The following ZFYVE9 variants were observed in gnomAD, a reference collection of about 807,000 sequenced individuals.
The protein encoded by ZFYVE9 is zinc finger FYVE domain-containing protein 9.
Under a neutral mutation model 126.7 loss-of-function variants are expected in ZFYVE9, and 43 were observed. The observed-to-expected ratio is 0.34, with a 90% CI of 0.27 to 0.44. The LOEUF (loss-of-function observed/expected upper bound fraction) is 0.44, where lower values mean the gene tolerates loss of function less well. Ranked by LOEUF, ZFYVE9 falls within the 20% of genes least tolerant of loss-of-function variation. The pLI is 1.00. For synonymous variants in ZFYVE9, 521 were observed against 597.4 expected (o/e 0.87, Z 1.87); for missense variants, 1,476 against 1,697.0 (o/e 0.87, Z 2.29).
At chr1:52,260,759 A>G (rs999470661) in intron 4 of ZFYVE9, among the ~76,000 whole-genome samples, 11 of 152,078 alleles carry the variant, frequency 7.2e-5, no homozygotes, top group African/African-American at 1.7e-4. Flanking sequence ...GGAGGTTGCA[A>G]TGAGCTGAGA....
At chr1:52,301,579 C>T (rs1444419444) in intron 12 of ZFYVE9, among the ~76,000 whole-genome samples, 1 of 152,196 alleles carries the variant, frequency 6.6e-6, no homozygotes, top group South Asian at 2.1e-4. Context: ...ATTGGGATTA[C>T]ATGCATGAGC....
intron 3 of ZFYVE9, among the ~76,000 whole-genome samples, chr1:52,233,599 C>G (rs1323064607): frequency 6.6e-6 from 1 of 152,172 alleles, no homozygotes; most frequent in Non-Finnish European, 1.5e-5. Flanking sequence ...CTGAACTACC[C>G]TATACAATGA....
At chr1:52,300,917 T>G (rs1039851293) in intron 12 of ZFYVE9, among the ~76,000 whole-genome samples, 1 of 151,430 alleles carries the variant, frequency 6.6e-6, no homozygotes, top group Non-Finnish European at 1.5e-5. Flanking sequence ...TGTAGTGCAG[T>G]GGCACAATCT....
intron 7 of ZFYVE9, among the ~76,000 whole-genome samples, chr1:52,271,758 C>A (rs982666488): frequency 1.9e-4 from 29 of 152,138 alleles, no homozygotes; most frequent in African/African-American, 6.7e-4. Context: ...TTTAGAAATC[C>A]CACTAAAAAT....
chr1:52,208,714 G>C (rs903914998), intron 1 of ZFYVE9, among the ~76,000 whole-genome samples: 1 of 152,038 alleles, frequency 6.6e-6, no homozygotes, highest in Non-Finnish European at 1.5e-5. Flanking sequence ...TGTATTTTTA[G>C]TAGAGACGGG....
intron 7 of ZFYVE9, among the ~76,000 whole-genome samples, chr1:52,269,187 T>G (rs565106776): frequency 6.6e-6 from 1 of 152,238 alleles, no homozygotes; most frequent in Non-Finnish European, 1.5e-5. Flanking sequence ...TGCAGTACAG[T>G]GGCGTGATCT....
intron 2 of ZFYVE9, among the ~76,000 whole-genome samples, chr1:52,230,374 A>G (rs1645207693): frequency 2.0e-5 from 3 of 151,980 alleles, no homozygotes; most frequent in African/African-American, 7.2e-5. Flanking sequence ...TCCAGAAAGA[A>G]TCAGTCAAAC....
At chr1:52,218,871 G>A (rs1645097136) in intron 2 of ZFYVE9, among the ~76,000 whole-genome samples, 2 of 152,092 alleles carry the variant, frequency 1.3e-5, no homozygotes. Flanking sequence ...AGGGTCTTTT[G>A]CAGTGACATC....
At chr1:52,283,957 A>G (rs1645829140) in intron 10 of ZFYVE9, among the ~76,000 whole-genome samples, 1 of 152,226 alleles carries the variant, frequency 6.6e-6, no homozygotes, top group Non-Finnish European at 1.5e-5. Context: ...CAGTGGAAAT[A>G]AAGAAGAGTA....
chr1:52,314,594 G>T (rs1406687963), intron 13 of ZFYVE9, among the ~76,000 whole-genome samples: 6 of 152,140 alleles, frequency 3.9e-5, no homozygotes, highest in Non-Finnish European at 8.8e-5. Flanking sequence ...AAGGCGGGTG[G>T]ATCATCTGAG....
chr1:52,156,248 A>G lies in ZFYVE9; in HGVS notation c.-143+13845A>G, dbSNP rs1644402248. ...GGCTGCATGCTGTGTACCCAAGGCT[A>G]TATTTATCTGCTACAACAAACATAC... On this transcript the variant is annotated intron_variant, in intron 1 of 18. Coordinates refer to ENST00000287727, the MANE Select transcript of ZFYVE9 (RefSeq NM_004799.4). 2.0e-5 allele frequency among the ~76,000 whole-genome samples: 3 copies of G among 152,322 alleles called. No homozygotes were observed. In the South Asian group the frequency reaches 6.2e-4, roughly 32 times the overall value.
intron 13 of ZFYVE9, among the ~76,000 whole-genome samples, chr1:52,316,058 G>A (rs973038609): frequency 1.1e-4 from 17 of 150,412 alleles, no homozygotes; most frequent in East Asian, 2.0e-4. Flanking sequence ...CCACCTACTC[G>A]GGAGGCTGAG....
Position 52,237,510 on chromosome 1 carries a change from A to G in ZFYVE9, c.93A>G (p.Leu31=). ...QNEDETVSST[L]LDTKWNKILD... is the part of the protein sequence containing the mutation. Reference sequence around the variant, plus strand: ...CAGATGAAACAGTTTCTTCTACTTTATTGGATACAAAGTGGAATAAGATTC... The same window carrying G: ...CAGATGAAACAGTTTCTTCTACTTTGTTGGATACAAAGTGGAATAAGATTC... The change falls in exon 4 of 19, where the codon TTA becomes TTG. Residue 31 remains leucine (L), a synonymous_variant. Transcript: ENST00000287727. 1 of 1,609,808 alleles carries G rather than the reference A, an allele frequency of 6.2e-7. No individual in the cohort carries two copies. The highest frequency in any genetic ancestry group is 2.2e-5 in the East Asian group (1 of 44,810).
intron 12 of ZFYVE9, among the ~76,000 whole-genome samples, chr1:52,299,272 C>G (rs754450279): frequency 7.2e-5 from 11 of 152,000 alleles, no homozygotes; most frequent in Admixed American, 7.2e-4. Context: ...ATTTTGTATC[C>G]TACAACTTTA....
At chr1:52,212,941 G>A (rs564337091) in intron 1 of ZFYVE9, among the ~76,000 whole-genome samples, 6 of 152,144 alleles carry the variant, frequency 3.9e-5, no homozygotes, top group African/African-American at 1.4e-4. Flanking sequence ...GAAATTCTTT[G>A]TTTTCCTCTC....
chr1:52,290,685 G>A (rs2147826767), intron 10 of ZFYVE9, among the ~76,000 whole-genome samples: 1 of 152,212 alleles, frequency 6.6e-6, no homozygotes, highest in Middle Eastern at 3.4e-3. Flanking sequence ...CCCTGATCCT[G>A]CAGTGGCTGC....
rs1645511369 is a variant in ZFYVE9, at chr1:52,255,971, T to TTCTTTTCTTG, written c.2179-7802_2179-7801insTCTTTTCTTG. 1.5e-5 allele frequency among the ~76,000 whole-genome samples: 2 copies of TTCTTTTCTTG among 135,110 alleles called. 1 individual carries two copies. The highest frequency in any genetic ancestry group is 6.6e-5 in the African/African-American group (2 of 30,332). The allele number at this position is 135,110 out of a possible 152,430, so 88.6% of individuals were successfully genotyped here. ...TTCTTTTCTTTTCTTTTCTTTTCTT[T>TTCTTTTCTTG]CTTTCTTTCTTTCCTTCCTTCCTTC... On this transcript the variant is annotated intron_variant, in intron 4 of 18. Transcript: ENST00000287727.
chr1:52,300,148 T>C (rs535778507), intron 12 of ZFYVE9, among the ~76,000 whole-genome samples: 2 of 152,248 alleles, frequency 1.3e-5, no homozygotes, highest in East Asian at 3.9e-4. Flanking sequence ...CCCCTGGTGC[T>C]CTCCAGCATA....
At chr1:52,188,260 G>C (rs1279004330) in intron 1 of ZFYVE9, among the ~76,000 whole-genome samples, 1 of 152,048 alleles carries the variant, frequency 6.6e-6, no homozygotes, top group African/African-American at 2.4e-5. Flanking sequence ...TTACTTATAA[G>C]TGAGAGCTAA....
Sources: allele counts gnomAD v4.1 joint callset (sites outside exome capture counted in the v4.1 genomes callset), GRCh38; gene constraint gnomAD v4.1.1; transcripts MANE v1.5; gene names NCBI Gene and HGNC (gene_info 2026-07-23, HGNC 2026-07-21).